SULF2: variants seen among roughly 807,000 people sequenced by gnomAD.
SULF2 encodes the protein extracellular sulfatase Sulf-2.
In SULF2, 52 loss-of-function variants were observed where a neutral mutation model predicts 107.7. The ratio of observed to expected loss-of-function variants is 0.48; its 90% CI spans 0.39 to 0.61. The LOEUF is 0.61. Among genes scored for constraint, SULF2 ranks in the 20% least tolerant of loss-of-function variants. SULF2 has a pLI of 0.00. For synonymous variants in SULF2, 460 were observed against 464.3 expected, an observed-to-expected ratio of 0.99 and a Z score of 0.12; for missense variants, 993 against 1,177.3, an observed-to-expected ratio of 0.84 and a Z score of 2.29.
intron 3 of SULF2, among the ~76,000 whole-genome samples, chr20:47,728,549 A>G (rs374683106): frequency 6.6e-6 from 1 of 152,236 alleles, no homozygotes; most frequent in South Asian, 2.1e-4. Flanking sequence ...CATCCTGGGA[A>G]GGTCTCCTGA....
intron 2 of SULF2, among the ~76,000 whole-genome samples, chr20:47,756,647 CTTTT>C (rs11372876): frequency 7.4e-6 from 1 of 136,014 alleles, no homozygotes; most frequent in East Asian, 2.2e-4. Context: ...CATGTCTCAT[CTTTT>C]TTTTTTTTTT....
In SULF2 at chr20:47,677,083, C is replaced by T; in HGVS notation, c.1245G>A (p.Glu415=). 1.2e-6 allele frequency: 2 copies of T among 1,613,302 alleles called. No individual in the cohort carries two copies. Among genetic ancestry groups the T allele is most frequent in the Non-Finnish European group, 1.7e-6 (2 of 1,179,870 alleles). Residue 415 remains glutamate, a synonymous_variant, in exon 9 of 21, where the codon GAG becomes GAA. Transcript: ENST00000688720. ...TCCCAGGACCCGGCACTCACCCTCT[C>T]TCCACCAAGAAGGAGTCCCGCCAGA... The part of the protein sequence containing the change: ...MRVWRDSFLV[E]RGKLLHKRDN...
At chr20:47,753,902 ATTCTTTTGGAGCGGAAG>A (rs2090218347) in intron 2 of SULF2, among the ~76,000 whole-genome samples, 1 of 152,296 alleles carries the variant, frequency 6.6e-6, no homozygotes, top group Admixed American at 6.5e-5. Flanking sequence ...CTTCCCTCTT[ATTCTTTTGGAGCGGAAG>A]TCCAGCAAAA....
intron 2 of SULF2, among the ~76,000 whole-genome samples, chr20:47,748,312 T>A (rs1229678654): frequency 6.6e-6 from 1 of 152,188 alleles, no homozygotes; most frequent in African/African-American, 2.4e-5. Context: ...GCCTCGGGTT[T>A]CCACATGAAT....
At chr20:47,683,229 C>T in intron 6 of SULF2, 60 bp from the exon 7 acceptor site, 1 of 1,493,474 alleles carries the variant, frequency 6.7e-7, no homozygotes, top group Admixed American at 2.0e-5. Flanking sequence ...CCGTCTCCGA[C>T]CCGGGGTGAC....
At chr20:47,778,439 C>T (rs1020376501) in intron 1 of SULF2, among the ~76,000 whole-genome samples, 25 of 152,372 alleles carry the variant, frequency 1.6e-4, no homozygotes, top group Non-Finnish European at 3.1e-4. Context: ...AGATGACGCT[C>T]CATGGCAGAG....
Position 47,705,428 on chromosome 20 carries a change from C to T in SULF2, c.416-2758G>A, listed in dbSNP as rs149694240. Among the ~76,000 whole-genome samples, 19 of 152,280 alleles carry T rather than the reference C, an allele frequency of 1.2e-4. No individual in the cohort carries two copies. In the East Asian group the frequency reaches 2.5e-3, roughly 20 times the overall value. On this transcript the variant is annotated intron_variant, in intron 3 of 20. Coordinates refer to ENST00000688720, the MANE Select transcript of SULF2 (RefSeq NM_001387048.1). Reference sequence around the variant, plus strand: ...AGGTGGTGGGTGCCTAATTAAACAGCGACTGGGCGTCCCTGGCTAGGTGTC... The same window carrying T: ...AGGTGGTGGGTGCCTAATTAAACAGTGACTGGGCGTCCCTGGCTAGGTGTC...
intron 5 of SULF2, chr20:47,686,043 C>T (rs779359636): frequency 1.3e-5 from 2 of 152,270 alleles, no homozygotes; most frequent in Non-Finnish European, 2.9e-5. Context: ...AGTGCCAGTT[C>T]CCAGGAAGGT....
chr20:47,715,093 ATTTTTTTTT>A (rs869126418), intron 3 of SULF2, among the ~76,000 whole-genome samples: 1 of 129,000 alleles, frequency 7.8e-6, no homozygotes, highest in East Asian at 2.3e-4. Context: ...TAACTTTTGT[ATTTTTTTTT>A]TTTTTTTTTT....
intron 1 of SULF2, among the ~76,000 whole-genome samples, chr20:47,771,857 T>G (rs1436413940): frequency 2.0e-5 from 3 of 152,188 alleles, no homozygotes; most frequent in African/African-American, 2.4e-5. Flanking sequence ...GAACTCCGCC[T>G]GGGATAACAC....
chr20:47,715,312 C>G (rs982564727), intron 3 of SULF2, among the ~76,000 whole-genome samples: 1 of 152,078 alleles, frequency 6.6e-6, no homozygotes, highest in African/African-American at 2.4e-5. Flanking sequence ...TCTCCCCTTT[C>G]CCCCGACATT....
At chr20:47,746,231 C>T (rs1332713232) in intron 2 of SULF2, among the ~76,000 whole-genome samples, 3 of 152,250 alleles carry the variant, frequency 2.0e-5, no homozygotes, top group African/African-American at 7.2e-5. Context: ...AAAGGTAACG[C>T]TCTACTGGGG....
At chr20:47,663,979 T>C (rs2087178084) in intron 15 of SULF2, 151 bp downstream of exon 15, 3 of 809,002 alleles carry the variant, frequency 3.7e-6, no homozygotes, top group South Asian at 1.8e-5. Context: ...TCAGTGTTGA[T>C]TGGGAAGTAA....
intron 6 of SULF2, among the ~76,000 whole-genome samples, 160 bp from the exon 7 acceptor site, chr20:47,683,329 C>G (rs111476334): frequency 0.013 from 1,947 of 152,308 alleles, 12 homozygotes; most frequent in Middle Eastern, 0.041. Flanking sequence ...ACTGCACCTT[C>G]CTGCCTCTTG....
intron 4 of SULF2, among the ~76,000 whole-genome samples, chr20:47,691,898 T>C (rs1271037297): frequency 6.6e-6 from 1 of 152,172 alleles, no homozygotes; most frequent in Non-Finnish European, 1.5e-5. Context: ...TAATTTTTTT[T>C]TGGTCATGGA....
chr20:47,670,123 C>G (rs961334633), intron 11 of SULF2, among the ~76,000 whole-genome samples: 2 of 152,192 alleles, frequency 1.3e-5, no homozygotes, highest in Non-Finnish European at 2.9e-5. Flanking sequence ...GAGGAGATCA[C>G]TGCGCCTGCC....
chr20:47,737,055 C>A (rs919257300), intron 2 of SULF2, 113 bp from the exon 3 acceptor site: 4 of 1,492,198 alleles, frequency 2.7e-6, no homozygotes, highest in Non-Finnish European at 3.6e-6. Flanking sequence ...ATTCTGCAGA[C>A]CTACGGGGCA....
At chr20:47,697,173 C>G (rs912272395) in intron 4 of SULF2, among the ~76,000 whole-genome samples, 1 of 152,206 alleles carries the variant, frequency 6.6e-6, no homozygotes, top group African/African-American at 2.4e-5. Flanking sequence ...GTCATTCTCA[C>G]TTCCCTTCCC....
chr20:47,751,302 T>C (rs1427883543), intron 2 of SULF2, among the ~76,000 whole-genome samples: 1 of 152,190 alleles, frequency 6.6e-6, no homozygotes, highest in Non-Finnish European at 1.5e-5. Context: ...CTTTGGGGAA[T>C]CTGCTCTATC....
Sources: allele counts gnomAD v4.1 joint callset (sites outside exome capture counted in the v4.1 genomes callset), GRCh38; gene constraint gnomAD v4.1.1; transcripts MANE v1.5; gene names NCBI Gene and HGNC (gene_info 2026-07-23, HGNC 2026-07-21).